Variants in DENND4A observed in about 807,000 individuals in gnomAD.
DENND4A encodes the protein DENN domain containing 4A, also known as C-myc promoter-binding protein.
DENND4A carries 70 observed loss-of-function variants against 199.3 expected under a neutral mutation model. The observed-to-expected ratio is 0.35, with a 90% CI of 0.29 to 0.43. The LOEUF is 0.43. Ranked by LOEUF, DENND4A falls within the 20% of genes least tolerant of loss-of-function variation. The pLI is 1.00. For missense variants in DENND4A, 1,723 were observed against 2,255.8 expected, an observed-to-expected ratio of 0.76 and a Z score of 4.78; for synonymous variants, 686 against 766.9, an observed-to-expected ratio of 0.89 and a Z score of 1.74.
At chr15:65,752,128 G>T (rs571732483) in intron 4 of DENND4A, among the ~76,000 whole-genome samples, 2 of 53,252 alleles carry the variant, frequency 3.8e-5, no homozygotes, top group South Asian at 1.5e-3. Flanking sequence ...TGTAGTGGGC[G>T]GGGGGGGTGG....
At chr15:65,736,768 C>A (rs2076131197) in intron 7 of DENND4A, among the ~76,000 whole-genome samples, 1 of 152,164 alleles carries the variant, frequency 6.6e-6, no homozygotes, top group Admixed American at 6.5e-5. Context: ...TATATTTCAA[C>A]CAAAACAACT....
chr15:65,716,968 G>C (rs1437498721), intron 13 of DENND4A, among the ~76,000 whole-genome samples: 1 of 152,138 alleles, frequency 6.6e-6, no homozygotes, highest in Non-Finnish European at 1.5e-5. Flanking sequence ...TCTCATTGTG[G>C]TTTCGATTTG....
chr15:65,769,569 G>C (rs1375977755), intron 1 of DENND4A, among the ~76,000 whole-genome samples: 3 of 152,110 alleles, frequency 2.0e-5, no homozygotes, highest in Admixed American at 1.3e-4. Flanking sequence ...ACCAAAAAAA[G>C]TATAAATTCA....
At chr15:65,730,798 T>C (rs1342733574) in intron 9 of DENND4A, among the ~76,000 whole-genome samples, 1 of 152,040 alleles carries the variant, frequency 6.6e-6, no homozygotes, top group Admixed American at 6.5e-5. Flanking sequence ...GAAAATGTTC[T>C]AAAATTTATT....
At chr15:65,767,848 T>C (rs960834710) in intron 1 of DENND4A, among the ~76,000 whole-genome samples, 1 of 152,154 alleles carries the variant, frequency 6.6e-6, no homozygotes, top group Non-Finnish European at 1.5e-5. Flanking sequence ...TTAGACATAT[T>C]CAAATGGACA....
At chr15:65,740,106 G>T (rs1180656156) in intron 5 of DENND4A, among the ~76,000 whole-genome samples, 1 of 151,908 alleles carries the variant, frequency 6.6e-6, no homozygotes, top group Non-Finnish European at 1.5e-5. Flanking sequence ...GCTTGAACTC[G>T]GGAGGCGGAG....
At chr15:65,689,679 T>G (rs1424935181) in intron 23 of DENND4A, among the ~76,000 whole-genome samples, 1 of 152,232 alleles carries the variant, frequency 6.6e-6, no homozygotes, top group African/African-American at 2.4e-5. Context: ...ACTTGATTTC[T>G]CACAGACGTT....
intron 3 of DENND4A, among the ~76,000 whole-genome samples, chr15:65,755,360 T>G (rs767053122): frequency 5.3e-5 from 8 of 152,196 alleles, no homozygotes; most frequent in Non-Finnish European, 8.8e-5. Flanking sequence ...ATTGTACACT[T>G]TAAATAAATG....
In DENND4A at chr15:65,691,184, C is replaced by T. The variant is rs2076957690; in HGVS notation, c.3410G>A (p.Ser1137Asn). ...GKPPLRSKRD[S>N]LEKESSDDDT... ...ATCATCACTAGATTCCTTTTCTAGA[C>T]TGTCTCTTTTTGATCTTAAAGGTGG... is the stretch of plus-strand genomic sequence containing the variant. Residue 1137 changes from serine to asparagine, a missense_variant, in exon 23 of 33, where the codon AGT becomes AAT. Ser to Asn is a conservative substitution (Grantham distance 46). Transcript: ENST00000443035. The T allele has an allele frequency of 6.2e-7, 1 of 1,613,314 alleles. No homozygotes were observed. Among genetic ancestry groups the T allele is most frequent in the Non-Finnish European group, 8.5e-7 (1 of 1,179,706 alleles).
At chr15:65,691,597 AATG>A in intron 22 of DENND4A, 86 bp from the exon 23 acceptor site, 5 of 1,351,176 alleles carry the variant, frequency 3.7e-6, no homozygotes, top group Non-Finnish European at 3.9e-6. Flanking sequence ...TAGTGATGAA[AATG>A]ATAATAGCAA....
chr15:65,772,236 A>T (rs2077153354), intron 1 of DENND4A: 9 of 572,860 alleles, frequency 1.6e-5, no homozygotes, highest in Non-Finnish European at 1.9e-5. Flanking sequence ...GGAAATCATG[A>T]CTCTGATTCT....
intron 14 of DENND4A, among the ~76,000 whole-genome samples, chr15:65,714,906 T>C (rs1368737000): frequency 2.0e-5 from 3 of 152,116 alleles, no homozygotes. Context: ...TATTTAGGTT[T>C]TGAAACCCCT....
intron 5 of DENND4A, among the ~76,000 whole-genome samples, chr15:65,740,083 A>C (rs2076216322): frequency 6.6e-6 from 1 of 152,074 alleles, no homozygotes; most frequent in Non-Finnish European, 1.5e-5. Context: ...CGGGAGGCTG[A>C]GGCAGGAGAA....
chr15:65,707,205 A>G (rs147191455), intron 14 of DENND4A, among the ~76,000 whole-genome samples: 32 of 152,274 alleles, frequency 2.1e-4, no homozygotes, highest in East Asian at 1.9e-3. Flanking sequence ...TCCAGAAAAA[A>G]TGAAAACTTC....
rs61195086 is a variant in DENND4A, at chr15:65,705,778, G to A, written c.2087+313C>T. Among the ~76,000 whole-genome samples the A allele has an allele frequency of 7.2e-3, 1,082 of 150,202 alleles. 14 individuals are homozygous for A. Among genetic ancestry groups the A allele is most frequent in the African/African-American group, 0.025 (1,036 of 40,924 alleles). On this transcript the variant is annotated intron_variant, in intron 15 of 32. Transcript: ENST00000443035. ...TGAAAGTGAGGAAACCAGCTTTAAC[G>A]AAAAAAAAATCAAAATTCTAGTGCT... is the stretch of plus-strand genomic sequence containing the variant.
intron 14 of DENND4A, 125 bp from the exon 15 acceptor site, chr15:65,706,349 T>A: frequency 2.0e-6 from 2 of 982,882 alleles, no homozygotes; most frequent in East Asian, 3.1e-5. Context: ...AAAAGAAGAG[T>A]GAGCAAGTTC....
At chr15:65,696,016 T>C (rs1240562770) in intron 22 of DENND4A, among the ~76,000 whole-genome samples, 2 of 152,122 alleles carry the variant, frequency 1.3e-5, no homozygotes, top group African/African-American at 4.8e-5. Context: ...AGGAATAATA[T>C]GAAAACTAAT....
intron 23 of DENND4A, among the ~76,000 whole-genome samples, chr15:65,682,292 T>G (rs913602565): frequency 6.6e-6 from 1 of 152,208 alleles, no homozygotes; most frequent in South Asian, 2.1e-4. Context: ...ATCAGTGACC[T>G]TACATAGGTC....
chr15:65,688,674 G>A (rs563780100), intron 23 of DENND4A, among the ~76,000 whole-genome samples: 1 of 152,320 alleles, frequency 6.6e-6, no homozygotes, highest in South Asian at 2.1e-4. Flanking sequence ...TCTGCACAAA[G>A]AGGCCTCTTT....
Sources: allele counts gnomAD v4.1 joint callset (sites outside exome capture counted in the v4.1 genomes callset), GRCh38; gene constraint gnomAD v4.1.1; transcripts MANE v1.5; gene names NCBI Gene and HGNC (gene_info 2026-07-23, HGNC 2026-07-21).